NCKAP5: variants seen among roughly 807,000 people sequenced by gnomAD.
The protein encoded by NCKAP5 is NCK associated protein 5, also known as nck-associated protein 5.
A neutral mutation model predicts 167.0 loss-of-function variants in NCKAP5; 92 were observed. The ratio of observed to expected loss-of-function variants is 0.55; its 90% CI spans 0.47 to 0.66. The LOEUF (loss-of-function observed/expected upper bound fraction) is 0.66. Ranked by LOEUF, NCKAP5 falls within the 30% of genes least tolerant of loss-of-function variation. The probability of loss-of-function intolerance (pLI) is 0.00; values close to 1 mark genes in which losing one functional copy is unlikely to be tolerated. For missense variants in NCKAP5, 2,378 were observed against 2,315.0 expected (o/e 1.03, Z -0.56); for synonymous variants, 891 against 877.4 (o/e 1.02, Z -0.27).
At chr2:132,742,334 A>T (rs1323084002) in intron 16 of NCKAP5, among the ~76,000 whole-genome samples, 1 of 151,974 alleles carries the variant, frequency 6.6e-6, no homozygotes, top group Non-Finnish European at 1.5e-5. Context: ...AAAGAAAATA[A>T]CTTGGGGTAC....
chr2:132,953,962 T>C (rs1019496221), intron 8 of NCKAP5, among the ~76,000 whole-genome samples: 2 of 152,098 alleles, frequency 1.3e-5, no homozygotes, highest in Non-Finnish European at 2.9e-5. Context: ...GCTGATTTGG[T>C]GCCATCACAT....
intron 4 of NCKAP5, among the ~76,000 whole-genome samples, chr2:133,273,356 T>G (rs924133676): frequency 6.6e-6 from 1 of 152,194 alleles, no homozygotes; most frequent in Non-Finnish European, 1.5e-5. Context: ...GAAATTTCTT[T>G]TCAACTCCTT....
intron 16 of NCKAP5, among the ~76,000 whole-genome samples, chr2:132,744,957 A>C (rs1287814374): frequency 1.3e-5 from 2 of 151,870 alleles, no homozygotes; most frequent in Non-Finnish European, 3.0e-5. Context: ...AGGCAATTGA[A>C]TTTGGAATTA....
At chr2:133,084,269 A>T (rs1480574586) in intron 6 of NCKAP5, among the ~76,000 whole-genome samples, 1 of 152,168 alleles carries the variant, frequency 6.6e-6, no homozygotes, top group Non-Finnish European at 1.5e-5. Context: ...ATCTGGAATG[A>T]ATGGTGTACA....
intron 3 of NCKAP5, among the ~76,000 whole-genome samples, chr2:133,516,886 T>C (rs1278191121): frequency 2.6e-5 from 4 of 152,220 alleles, no homozygotes; most frequent in Admixed American, 6.5e-5. Context: ...ACCATCAGAC[T>C]TAGTCTAAAG....
intron 4 of NCKAP5, among the ~76,000 whole-genome samples, chr2:133,231,117 T>C (rs917694640): frequency 6.6e-6 from 1 of 152,126 alleles, no homozygotes; most frequent in Non-Finnish European, 1.5e-5. Context: ...AACAATACCC[T>C]CATTTTAGTG....
chr2:133,499,312 C>T (rs940219364), intron 3 of NCKAP5, among the ~76,000 whole-genome samples: 2 of 152,186 alleles, frequency 1.3e-5, no homozygotes, highest in African/African-American at 4.8e-5. Flanking sequence ...GCAAAGCTTA[C>T]TTGCACGTTA....
At chr2:133,505,669 G>A (rs1173106648) in intron 3 of NCKAP5, among the ~76,000 whole-genome samples, 1 of 152,170 alleles carries the variant, frequency 6.6e-6, no homozygotes, top group Non-Finnish European at 1.5e-5. Flanking sequence ...GGCAGTAGGA[G>A]GCAGGTTGGG....
intron 2 of NCKAP5, among the ~76,000 whole-genome samples, chr2:133,541,514 T>A (rs899646504): frequency 6.6e-6 from 1 of 152,154 alleles, no homozygotes; most frequent in Non-Finnish European, 1.5e-5. Flanking sequence ...TCATACAGCC[T>A]TTAGAAAAAT....
intron 5 of NCKAP5, among the ~76,000 whole-genome samples, chr2:133,164,370 T>C (rs1314693421): frequency 6.6e-6 from 1 of 152,188 alleles, no homozygotes; most frequent in Non-Finnish European, 1.5e-5. Flanking sequence ...GAGAGCTGTG[T>C]TTGAATCCTG....
Position 132,783,993 on chromosome 2 carries a change from G to C in NCKAP5, c.2818C>G (p.Leu940Val), listed in dbSNP as rs558242540. 3.8e-5 allele frequency: 61 copies of C among 1,592,456 alleles called. No individual in the cohort carries two copies. The East Asian group carries it at 1.3e-3, about 35-fold the overall frequency. Reference sequence around the variant, plus strand: ...GAATAGTCATAGCTGGGCCTGGCCAGCAGGGAGACGGACCTGCCTGGAGGG... The same window carrying C: ...GAATAGTCATAGCTGGGCCTGGCCACCAGGGAGACGGACCTGCCTGGAGGG... ...PPPPGRSVSL[L>V]ARPSYDYSPA... Residue 940 changes from leucine (L) to valine (V), a missense_variant, in exon 14 of 20, where the codon CTG becomes GTG. Around this residue, in one of 3 missense-constraint regions of NCKAP5, gnomAD observed 1,325 missense variants for 1,274.5 expected, o/e 1.04. Transcript: ENST00000409261.
chr2:133,053,341 GT>G (rs2079674800), intron 6 of NCKAP5, among the ~76,000 whole-genome samples: 1 of 152,176 alleles, frequency 6.6e-6, no homozygotes, highest in South Asian at 2.1e-4. Flanking sequence ...CTCTGGTCTT[GT>G]TTTATCCAAG....
rs555902128 is a variant in NCKAP5 at position 133,036,953 on chromosome 2, T to C, written c.342-42714A>G. On this transcript the variant is annotated intron_variant, in intron 6 of 19. Coordinates refer to ENST00000409261, the MANE Select transcript of NCKAP5 (RefSeq NM_207363.3). ...TCCACAAGAACTCTATTAGAACTGA[T>C]AAATTCAGTAAAGTTGCAGGATACA... 3.3e-5 allele frequency among the ~76,000 whole-genome samples: 5 copies of C among 152,050 alleles called. No individual in the cohort carries two copies. The East Asian group carries it at 9.7e-4, about 29-fold the overall frequency.
intron 3 of NCKAP5, among the ~76,000 whole-genome samples, chr2:133,358,709 T>C (rs1451596715): frequency 6.6e-6 from 1 of 152,214 alleles, no homozygotes; most frequent in African/African-American, 2.4e-5. Context: ...TGTGAATTGC[T>C]GAACTAAACT....
the NCKAP5 span, among the ~76,000 whole-genome samples, chr2:133,668,648 T>G: frequency 6.6e-6 from 1 of 150,672 alleles, no homozygotes; most frequent in East Asian, 1.9e-4. Flanking sequence ...TGTCTTTTTA[T>G]AGTTGAGTTA....
intron 19 of NCKAP5, among the ~76,000 whole-genome samples, chr2:132,689,943 G>A (rs1686503213): frequency 6.6e-6 from 1 of 152,112 alleles, no homozygotes; most frequent in Admixed American, 6.5e-5. Flanking sequence ...GCTAATATGA[G>A]ATATAGATTG....
chr2:132,884,272 G>A (rs1183667646), intron 8 of NCKAP5, among the ~76,000 whole-genome samples: 1 of 152,196 alleles, frequency 6.6e-6, no homozygotes, highest in African/African-American at 2.4e-5. Flanking sequence ...TTTAAGCACA[G>A]TTATTGGTTA....
chr2:132,728,739 A>G (rs1690701933), intron 18 of NCKAP5, 77 bp downstream of exon 18: 10 of 1,549,382 alleles, frequency 6.5e-6, no homozygotes, highest in Admixed American at 1.9e-5. Flanking sequence ...ATCTATCATA[A>G]AAGTGTTTTT....
chr2:132,708,967 C>T (rs1300421811), intron 19 of NCKAP5, among the ~76,000 whole-genome samples: 1 of 152,066 alleles, frequency 6.6e-6, no homozygotes, highest in East Asian at 1.9e-4. Flanking sequence ...GATCCTTTCT[C>T]TTCTCTTCCC....
Sources: allele counts gnomAD v4.1 joint callset (sites outside exome capture counted in the v4.1 genomes callset), GRCh38; gene constraint gnomAD v4.1.1; regional missense constraint gnomAD v4.1.1; transcripts MANE v1.5; gene names NCBI Gene and HGNC (gene_info 2026-07-23, HGNC 2026-07-21).